Variants in REPS2 observed in about 807,000 individuals in gnomAD.
The protein encoded by REPS2 is RALBP1 associated Eps domain containing 2.
A neutral mutation model predicts 53.6 loss-of-function variants in REPS2; 23 were observed. The ratio of observed to expected loss-of-function variants is 0.43; its 90% CI spans 0.31 to 0.61. The LOEUF is 0.61. Ranked by LOEUF, REPS2 falls within the 20% of genes least tolerant of loss-of-function variation. The pLI, the probability that REPS2 is intolerant of heterozygous loss-of-function variation, is 0.11. For missense variants in REPS2, 446 were observed against 534.9 expected, an observed-to-expected ratio of 0.83 and a Z score of 1.64; for synonymous variants, 238 against 218.6, an observed-to-expected ratio of 1.09 and a Z score of -0.78.
In REPS2 at chrX:16,964,001, A is replaced by AT. The variant is rs1203481710; in HGVS notation, c.273+16876dup. On this transcript the variant is annotated intron_variant, in intron 1 of 17. Transcript: ENST00000357277. Reference sequence around the variant, plus strand: ...TTTCCTTTGAAAAATCCTTTGGGCAATTTTTTTTTAATTTAATTTAATTTT... The same window carrying AT: ...TTTCCTTTGAAAAATCCTTTGGGCAATTTTTTTTTTAATTTAATTTAATTTT... Among the ~76,000 whole-genome samples, 529 of 108,576 alleles carry AT rather than the reference A, an allele frequency of 4.9e-3. 3 individuals are homozygous for AT. The highest frequency in any genetic ancestry group is 0.017 in the African/African-American group (502 of 29,889). The allele number at this position is 108,576 out of a possible 115,157, so 94.3% of individuals were successfully genotyped here.
chrX:17,182,541 A>G, the REPS2 span, among the ~76,000 whole-genome samples: 1 of 112,131 alleles, frequency 8.9e-6, no homozygotes, highest in South Asian at 3.7e-4. Context: ...CTGCTGGCCA[A>G]GGGGACAGTG....
At chrX:17,070,402 A>G (rs1017663590) in intron 11 of REPS2, among the ~76,000 whole-genome samples, 2 of 112,200 alleles carry the variant, frequency 1.8e-5, no homozygotes, top group African/African-American at 6.5e-5. Flanking sequence ...GAAATCTCAA[A>G]TATTTTTATT....
intron 8 of REPS2, among the ~76,000 whole-genome samples, chrX:17,056,098 T>C (rs1416899062): frequency 1.8e-5 from 2 of 112,631 alleles, no homozygotes; most frequent in Non-Finnish European, 3.8e-5. Context: ...TTTACAGTTA[T>C]TGTTCTTTAA....
chrX:17,053,266 A>G (rs994875510), intron 7 of REPS2, among the ~76,000 whole-genome samples: 2 of 112,226 alleles, frequency 1.8e-5, no homozygotes, highest in African/African-American at 6.5e-5. Context: ...ATGCATGTCA[A>G]TGTATCTGGG....
chrX:17,069,469 T>C (rs2062274089), intron 10 of REPS2, among the ~76,000 whole-genome samples: 1 of 112,469 alleles, frequency 8.9e-6, no homozygotes, highest in Non-Finnish European at 1.9e-5. Context: ...TCTATTTAAA[T>C]ACTTGCTTGG....
chrX:17,104,426 G>C (rs750163651), intron 14 of REPS2, among the ~76,000 whole-genome samples: 2 of 112,192 alleles, frequency 1.8e-5, no homozygotes, highest in Non-Finnish European at 3.8e-5. Context: ...TGGTGCTACA[G>C]ATCTTTCCTT....
intron 14 of REPS2, among the ~76,000 whole-genome samples, chrX:17,111,670 G>A (rs2062973177): frequency 8.9e-6 from 1 of 111,974 alleles, no homozygotes; most frequent in African/African-American, 3.3e-5. Flanking sequence ...TAATATGAAT[G>A]TGTCTGTCTG....
Position 17,026,531 on chromosome X carries a change from GT to G in REPS2, c.673+1348del, listed in dbSNP as rs2061647887. ...TTTTAATTCACAGGTGAAACTTTTT[GT>G]TCTACTGAGTCAGCCTGTCAGCAAG... is the stretch of plus-strand genomic sequence containing the variant. On this transcript the variant is annotated intron_variant, in intron 4 of 17. Transcript: ENST00000357277. Among the ~76,000 whole-genome samples the G allele has an allele frequency of 3.4e-5, 3 of 88,684 alleles. No individual in the cohort carries two copies. The Admixed American group carries it at 3.9e-4, about 11-fold the overall frequency. 77.0% of individuals were successfully genotyped at this position (88,684 alleles called of 115,157 possible).
At chrX:16,982,134 G>A (rs1246172076) in intron 1 of REPS2, among the ~76,000 whole-genome samples, 1 of 111,790 alleles carries the variant, frequency 8.9e-6, no homozygotes, top group Non-Finnish European at 1.9e-5. Context: ...CTATATTAGA[G>A]TATGTATCAG....
intron 1 of REPS2, among the ~76,000 whole-genome samples, chrX:16,959,409 T>G (rs919837367): frequency 2.1e-4 from 24 of 112,210 alleles, no homozygotes; most frequent in Non-Finnish European, 1.1e-4. Context: ...TTTGTATACT[T>G]TTTGGTCAGA....
At chrX:17,076,542 G>T in intron 12 of REPS2, among the ~76,000 whole-genome samples, 1 of 111,941 alleles carries the variant, frequency 8.9e-6, no homozygotes, top group East Asian at 2.8e-4. Flanking sequence ...TTTTAAAAAT[G>T]GGATATAGAA....
chrX:17,084,558 A>C (rs1406383969), intron 13 of REPS2, among the ~76,000 whole-genome samples: 1 of 112,243 alleles, frequency 8.9e-6, no homozygotes, highest in East Asian at 2.8e-4. Context: ...TCACGTCCTC[A>C]AAACACTTGT....
the REPS2 span, among the ~76,000 whole-genome samples, chrX:17,195,065 A>T: frequency 8.9e-6 from 1 of 112,444 alleles, no homozygotes; most frequent in Admixed American, 9.4e-5. Flanking sequence ...GAGAACTGTT[A>T]AAATGTGGTT....
chrX:17,099,812 C>T, intron 13 of REPS2: 2 of 569,778 alleles, frequency 3.5e-6, no homozygotes, highest in Admixed American at 4.5e-5. Context: ...GGTAGGAATG[C>T]CACGTCAGCC....
At chrX:16,982,718 C>T (rs1184889216) in intron 1 of REPS2, among the ~76,000 whole-genome samples, 1 of 111,903 alleles carries the variant, frequency 8.9e-6, no homozygotes, top group East Asian at 2.8e-4. Flanking sequence ...GTGATGTGTG[C>T]CTTCTTCCAG....
the REPS2 span, among the ~76,000 whole-genome samples, chrX:17,178,660 T>C: frequency 8.9e-6 from 1 of 111,836 alleles, no homozygotes; most frequent in African/African-American, 3.3e-5. Context: ...CCAGGCGCGG[T>C]GGCTCACGCC....
Position 17,117,736 on chromosome X carries a change from C to T in REPS2, c.1578+13957C>T, listed in dbSNP as rs758882347. 5.5e-5 allele frequency among the ~76,000 whole-genome samples: 6 copies of T among 109,343 alleles called. No homozygotes were observed. The South Asian group carries it at 2.0e-3, about 36-fold the overall frequency. The allele number at this position is 109,343 out of a possible 115,157, so 95.0% of individuals were successfully genotyped here. ...TGTGAATAGTGCCGCAATAAACATA[C>T]GTGTGCATGTGTCTTTATAGCAGCA... On this transcript the variant is annotated intron_variant, in intron 14 of 17. Transcript: ENST00000357277.
chrX:17,187,282 C>G, the REPS2 span, among the ~76,000 whole-genome samples: 3 of 111,457 alleles, frequency 2.7e-5, no homozygotes, highest in Non-Finnish European at 5.6e-5. Context: ...TTCCTTCCCT[C>G]TTTGTCTGTC....
intron 13 of REPS2, among the ~76,000 whole-genome samples, chrX:17,098,361 G>A (rs919313846): frequency 1.8e-5 from 2 of 111,844 alleles, no homozygotes; most frequent in Admixed American, 1.9e-4. Flanking sequence ...ATAAGGATAG[G>A]AATTTTCATA....
Sources: allele counts gnomAD v4.1 joint callset (sites outside exome capture counted in the v4.1 genomes callset), GRCh38; gene constraint gnomAD v4.1.1; transcripts MANE v1.5; gene names NCBI Gene and HGNC (gene_info 2026-07-23, HGNC 2026-07-21).